NEDD4: variants seen among roughly 807,000 people sequenced by gnomAD.
The protein encoded by NEDD4 is NEDD4 E3 ubiquitin protein ligase, also known as E3 ubiquitin-protein ligase NEDD4.
NEDD4 carries 99 observed loss-of-function variants against 144.9 expected under a neutral mutation model. The observed-to-expected ratio is 0.68, with a 90% CI of 0.58 to 0.81. The LOEUF is 0.81. NEDD4 is among the 30% of genes least tolerant of loss of function. The probability of loss-of-function intolerance (pLI) is 0.00; values close to 1 mark genes in which losing one functional copy is unlikely to be tolerated. For missense variants in NEDD4, 985 were observed against 1,065.9 expected (o/e 0.92, Z 1.06); for synonymous variants, 318 against 350.6 (o/e 0.91, Z 1.04).
At chr15:55,982,066 G>A (rs899647555) in intron 1 of NEDD4, among the ~76,000 whole-genome samples, 3 of 152,154 alleles carry the variant, frequency 2.0e-5, no homozygotes, top group Admixed American at 1.3e-4. Context: ...GATAACCTAG[G>A]TTACTAGAGA....
Position 55,993,588 on chromosome 15 carries a change from G to A in NEDD4, c.-33C>T. On this transcript the variant is annotated 5_prime_UTR_variant, in exon 1 of 29. Transcript: ENST00000435532. ...CGCTTCCAGCAAACCGGACGCGCTC[G>A]CCCCCGCCCAGGGCAGGCAACTGTG... 2 of 1,587,670 alleles carry A rather than the reference G, an allele frequency of 1.3e-6. No homozygotes were observed. Among genetic ancestry groups the A allele is most frequent in the East Asian group, 2.4e-5 (1 of 41,262 alleles).
intron 26 of NEDD4, 68 bp from the exon 27 acceptor site, chr15:55,833,172 AT>A (rs2033038468): frequency 1.0e-6 from 1 of 971,086 alleles, no homozygotes; most frequent in Non-Finnish European, 1.6e-6. Flanking sequence ...ATCCTGAAAC[AT>A]AAGCTATCGG....
At chr15:55,988,487 T>TAAAAAAAAAAAAAAAAATAAA (rs2037933726) in intron 1 of NEDD4, among the ~76,000 whole-genome samples, 1 of 101,710 alleles carries the variant, frequency 9.8e-6, no homozygotes, top group Non-Finnish European at 1.8e-5. Flanking sequence ...AAAAAAAAAT[T>TAAAAAAAAAAAAAAAAATAAA]AAAAAAAAAA....
At chr15:55,887,055 T>G (rs2035417144) in intron 5 of NEDD4, among the ~76,000 whole-genome samples, 1 of 150,446 alleles carries the variant, frequency 6.6e-6, no homozygotes, top group Non-Finnish European at 1.5e-5. Context: ...AAAAAAAACT[T>G]CAAATAAACA....
At chr15:55,874,166 T>TC (rs2034909073) in intron 5 of NEDD4, among the ~76,000 whole-genome samples, 158 bp from the exon 6 acceptor site, 1 of 152,080 alleles carries the variant, frequency 6.6e-6, no homozygotes, top group African/African-American at 2.4e-5. Context: ...TGGTACAACT[T>TC]CTGGTAATGG....
intron 1 of NEDD4, among the ~76,000 whole-genome samples, chr15:55,976,666 G>A (rs145787870): frequency 0.022 from 2,946 of 135,608 alleles, 81 homozygotes; most frequent in African/African-American, 0.077. Context: ...GGCTCGCTCT[G>A]TGGCCCAGGC....
intron 21 of NEDD4, among the ~76,000 whole-genome samples, chr15:55,839,179 C>A (rs1349840077): frequency 6.6e-6 from 1 of 152,056 alleles, no homozygotes; most frequent in South Asian, 2.1e-4. Flanking sequence ...CAGGCGCGCA[C>A]CACCACGCCT....
At chr15:55,833,486 C>T (rs555881114) in intron 26 of NEDD4, among the ~76,000 whole-genome samples, 13 of 151,944 alleles carry the variant, frequency 8.6e-5, no homozygotes, top group African/African-American at 2.4e-4. Context: ...GGTGAAACCC[C>T]GTCTCTACTA....
intron 5 of NEDD4, among the ~76,000 whole-genome samples, chr15:55,879,657 C>T (rs995930224): frequency 1.3e-4 from 19 of 151,896 alleles, no homozygotes; most frequent in African/African-American, 4.6e-4. Flanking sequence ...TCAGAAAAAC[C>T]GTAATATTCC....
At chr15:55,965,185 C>G (rs1266645102) in intron 2 of NEDD4, among the ~76,000 whole-genome samples, 1 of 152,124 alleles carries the variant, frequency 6.6e-6, no homozygotes, top group Non-Finnish European at 1.5e-5. Flanking sequence ...TGGACAAGAG[C>G]CACAAATCCT....
At chr15:55,836,253 A>G (rs1039105278) in intron 24 of NEDD4, among the ~76,000 whole-genome samples, 1 of 151,998 alleles carries the variant, frequency 6.6e-6, no homozygotes, top group African/African-American at 2.4e-5. Flanking sequence ...ACATACCTTA[A>G]TAACAGGACC....
At chr15:55,890,212 A>G (rs1478215960) in intron 5 of NEDD4, among the ~76,000 whole-genome samples, 1 of 152,216 alleles carries the variant, frequency 6.6e-6, no homozygotes, top group Non-Finnish European at 1.5e-5. Context: ...TTAAGATGTA[A>G]TTCACATACA....
At chr15:55,972,105 T>C (rs2037620698) in intron 1 of NEDD4, among the ~76,000 whole-genome samples, 1 of 152,218 alleles carries the variant, frequency 6.6e-6, no homozygotes, top group Non-Finnish European at 1.5e-5. Flanking sequence ...ACATCAGACC[T>C]AGCCTTCAAG....
rs567984351 is a variant in NEDD4 at position 55,902,382 on chromosome 15, T to C, written c.291+22264A>G. Among the ~76,000 whole-genome samples, 5 of 152,214 alleles carry C rather than the reference T, an allele frequency of 3.3e-5. No homozygotes were observed. The South Asian group carries it at 8.3e-4, about 25-fold the overall frequency. On this transcript the variant is annotated intron_variant, in intron 5 of 28. Coordinates refer to ENST00000435532, the MANE Select transcript of NEDD4 (RefSeq NM_006154.4). ...AACAGTTTAGAATTAATGTTGCTTT[T>C]ACCATTAATTTTGTCACGACTGCAT...
intron 12 of NEDD4, among the ~76,000 whole-genome samples, 174 bp downstream of exon 12, chr15:55,855,957 C>T (rs1368261699): frequency 2.0e-5 from 3 of 152,146 alleles, no homozygotes; most frequent in African/African-American, 4.8e-5. Context: ...ATGGGAGAGA[C>T]GGTTCTCCAT....
At chr15:55,855,871 T>C (rs1423172595) in intron 12 of NEDD4, among the ~76,000 whole-genome samples, 9 of 152,150 alleles carry the variant, frequency 5.9e-5, no homozygotes, top group Non-Finnish European at 1.0e-4. Flanking sequence ...GGATCACCTC[T>C]AGCCAGCACA....
chr15:55,939,333 TTCTC>T (rs760013095), intron 4 of NEDD4, among the ~76,000 whole-genome samples: 1 of 152,156 alleles, frequency 6.6e-6, no homozygotes, highest in Non-Finnish European at 1.5e-5. Context: ...CCCCTTCACT[TTCTC>T]TTCTGTCTCC....
chr15:55,915,416 A>G lies in NEDD4; in HGVS notation c.291+9230T>C, dbSNP rs781320921. On this transcript the variant is annotated intron_variant, in intron 5 of 28. Coordinates refer to ENST00000435532, the MANE Select transcript of NEDD4 (RefSeq NM_006154.4). ...GTCCCCCTTTAGAACAATTGTGCTT[A>G]AGGCTGGATAGACAGGAAATATTTG... is the stretch of plus-strand genomic sequence containing the variant. 3.1e-6 allele frequency: 5 copies of G among 1,613,860 alleles called. No homozygotes were observed. In the Admixed American group the frequency reaches 8.3e-5, roughly 27 times the overall value.
intron 8 of NEDD4, among the ~76,000 whole-genome samples, chr15:55,863,768 G>T (rs2034491277): frequency 6.6e-6 from 1 of 152,162 alleles, no homozygotes; most frequent in Admixed American, 6.5e-5. Context: ...CTTTCCTACA[G>T]AGAAAGCACC....
Sources: gnomAD v4.1 joint callset for allele counts (sites outside exome capture counted in the v4.1 genomes callset) on GRCh38, gnomAD v4.1.1 for gene constraint, MANE v1.5 for transcripts, NCBI Gene and HGNC (gene_info 2026-07-23, HGNC 2026-07-21) for gene names.